The following ERLEC1 variants were observed in gnomAD, a reference collection of about 807,000 sequenced individuals.
ERLEC1 encodes endoplasmic reticulum lectin 1, also known as ER lectin.
A neutral mutation model predicts 68.0 loss-of-function variants in ERLEC1; 47 were observed. The ratio of observed to expected loss-of-function variants is 0.69; its 90% CI spans 0.55 to 0.88. The LOEUF is 0.88. ERLEC1 is among the 40% of genes least tolerant of loss of function. ERLEC1 has a pLI of 0.00. For missense variants in ERLEC1, 567 were observed against 583.8 expected (o/e 0.97, Z 0.30); for synonymous variants, 225 against 203.2 (o/e 1.11, Z -0.91).
intron 10 of ERLEC1, among the ~76,000 whole-genome samples, chr2:53,812,651 T>C (rs986452459): frequency 6.6e-6 from 1 of 152,068 alleles, no homozygotes; most frequent in African/African-American, 2.4e-5. Flanking sequence ...CTGAAAAATA[T>C]CCAGGAAAGA....
intron 11 of ERLEC1, 42 bp from the exon 12 acceptor site, chr2:53,814,501 G>A (rs1434457684): frequency 2.8e-6 from 4 of 1,420,886 alleles, no homozygotes; most frequent in Non-Finnish European, 4.0e-6. Context: ...TTCTATTAGT[G>A]AGATTTTAGT....
At chr2:53,792,833 A>G (rs1321974911) in intron 1 of ERLEC1, among the ~76,000 whole-genome samples, 1 of 152,078 alleles carries the variant, frequency 6.6e-6, no homozygotes, top group Non-Finnish European at 1.5e-5. Flanking sequence ...CCTGGGCAAG[A>G]GGATAAAACC....
intron 1 of ERLEC1, chr2:53,787,622 G>T: frequency 2.5e-6 from 1 of 396,306 alleles, no homozygotes; most frequent in Non-Finnish European, 4.4e-6. Context: ...TGTCGCACTA[G>T]ACCTTGCTTC....
At chr2:53,794,864 A>G (rs777259457) in intron 2 of ERLEC1, among the ~76,000 whole-genome samples, 20 of 152,160 alleles carry the variant, frequency 1.3e-4, no homozygotes, top group Non-Finnish European at 2.6e-4. Context: ...CATGTTGGCC[A>G]GGATGGTCTC....
At chr2:53,797,675 C>T in intron 4 of ERLEC1, 57 bp from the exon 5 acceptor site, 1 of 1,561,610 alleles carries the variant, frequency 6.4e-7, no homozygotes, top group Non-Finnish European at 8.8e-7. Flanking sequence ...AAAGTTGTAT[C>T]CTTAAAAATG....
intron 6 of ERLEC1, among the ~76,000 whole-genome samples, chr2:53,799,895 G>C (rs1250408884): frequency 6.6e-6 from 1 of 152,056 alleles, no homozygotes; most frequent in African/African-American, 2.4e-5. Context: ...GATTAAAATA[G>C]TTATTTACTG....
At chr2:53,791,902 C>CT (rs1270523654) in intron 1 of ERLEC1, among the ~76,000 whole-genome samples, 4 of 118,296 alleles carry the variant, frequency 3.4e-5, no homozygotes, top group Admixed American at 9.4e-5. Flanking sequence ...CTATAATGCT[C>CT]TTTTAAAAAA....
At chr2:53,814,432 T>A in intron 11 of ERLEC1, 111 bp from the exon 12 acceptor site, 1 of 599,996 alleles carries the variant, frequency 1.7e-6, no homozygotes, top group Non-Finnish European at 2.8e-6. Flanking sequence ...TCAGGTTTTT[T>A]TTTAACTAAT....
chr2:53,814,917 C>T lies in ERLEC1; in HGVS notation c.1362C>T (p.Ser454=). 1 of 1,595,110 alleles carries T rather than the reference C, an allele frequency of 6.3e-7. No individual in the cohort carries two copies. Among genetic ancestry groups the T allele is most frequent in the Non-Finnish European group, 8.6e-7 (1 of 1,167,130 alleles). ...AVTVYMLEPH[S]CQYILGVESP... is the part of the protein sequence containing the mutation. ...CTGTATATATGCTAGAGCCTCACTC[C>T]TGTCAATATATTCTTGGGGTAAGTT... The change falls in exon 13 of 14, where the codon TCC becomes TCT. Residue 454 remains serine (S), a synonymous_variant. Transcript: ENST00000185150.
At chr2:53,787,668 A>C in intron 1 of ERLEC1, 1 of 324,606 alleles carries the variant, frequency 3.1e-6, no homozygotes, top group South Asian at 1.2e-4. Flanking sequence ...GCTTTCGTAG[A>C]ATAACGTCAG....
rs920160279 is a variant in ERLEC1, at chr2:53,811,912, GT to G, written c.1102-1029del. Among the ~76,000 whole-genome samples the G allele has an allele frequency of 2.0e-4, 31 of 151,918 alleles. No homozygotes were observed. In the South Asian group the frequency reaches 3.8e-3, roughly 18 times the overall value. Reference sequence around the variant, plus strand: ...GCTTGTTTCCTTTGCCACCATAGGGGTTTTTTTTGTTTTGTTTTGTTTGAGA... The same window carrying G: ...GCTTGTTTCCTTTGCCACCATAGGGGTTTTTTTGTTTTGTTTTGTTTGAGA... On this transcript the variant is annotated intron_variant, in intron 10 of 13. Transcript: ENST00000185150.
rs35950300 is a variant in ERLEC1, at chr2:53,808,349, G to C, written c.930G>C (p.Ser310=). 6.2e-7 allele frequency: 1 copy of C among 1,614,018 alleles called. No homozygotes were observed. The highest frequency in any genetic ancestry group is 8.5e-7 in the Non-Finnish European group (1 of 1,180,026). Residue 310 remains serine (S), a synonymous_variant, in exon 9 of 14, where the codon TCG becomes TCC. Coordinates refer to ENST00000185150, the MANE Select transcript of ERLEC1 (RefSeq NM_015701.5). ...KEERFPAIHK[S]IAIGSQPVLT... is the part of the protein sequence containing the mutation. ...AGAGATTTCCAGCGATCCACAAGTC[G>C]ATTGCTATTGGCTCTCAGCCAGTGC...
intron 1 of ERLEC1, among the ~76,000 whole-genome samples, chr2:53,789,500 A>G (rs1487058366): frequency 6.6e-6 from 1 of 152,022 alleles, no homozygotes; most frequent in Non-Finnish European, 1.5e-5. Context: ...GGCTCAAGCC[A>G]TCCTTCTGCC....
At chr2:53,802,425 C>T (rs1353119823) in intron 8 of ERLEC1, among the ~76,000 whole-genome samples, 1 of 152,168 alleles carries the variant, frequency 6.6e-6, no homozygotes, top group East Asian at 1.9e-4. Flanking sequence ...CTCTAATCAT[C>T]CACTAAAAGG....
rs1676780957 is a variant in ERLEC1, at chr2:53,814,870, T to G, written c.1315T>G (p.Ser439Ala). 1 of 1,607,204 alleles carries G rather than the reference T, an allele frequency of 6.2e-7. No homozygotes were observed. The highest frequency in any genetic ancestry group is 1.1e-5 in the South Asian group (1 of 90,292). The stretch of plus-strand genomic sequence containing the variant: ...TGCTCTCTGTTTTAGGTGCAAAGAA[T>G]CAGATTCACCTCATGCTGTTACTGT... ...QVTVKLKCKESDSPHAVTVYM... is the reference protein window; with the variant it reads ...QVTVKLKCKEADSPHAVTVYM... The change falls in exon 13 of 14, where the codon TCA becomes GCA. Residue 439 changes from serine to alanine, a missense_variant. Transcript: ENST00000185150.
intron 8 of ERLEC1, among the ~76,000 whole-genome samples, chr2:53,806,388 T>C (rs551159639): frequency 8.5e-4 from 130 of 152,340 alleles, no homozygotes; most frequent in Non-Finnish European, 1.5e-3. Context: ...TGCAGCATTA[T>C]TGTTTTTCTT....
At chr2:53,813,453 A>G (rs1203735409) in intron 11 of ERLEC1, among the ~76,000 whole-genome samples, 1 of 152,216 alleles carries the variant, frequency 6.6e-6, no homozygotes, top group African/African-American at 2.4e-5. Flanking sequence ...TGCCACCCAT[A>G]ACAGTGGGGG....
intron 6 of ERLEC1, among the ~76,000 whole-genome samples, chr2:53,799,725 C>G (rs549996318): frequency 2.0e-5 from 3 of 151,944 alleles, no homozygotes; most frequent in African/African-American, 7.2e-5. Context: ...CATACTGATA[C>G]TTTTTTTAGA....
rs1259746648 is a variant in ERLEC1 at position 53,817,985 on chromosome 2, G to A, written c.*16G>A. 2.1e-6 allele frequency: 3 copies of A among 1,444,996 alleles called. No homozygotes were observed. The highest frequency in any genetic ancestry group is 1.7e-5 in the Admixed American group (1 of 59,760). 89.5% of individuals were successfully genotyped at this position (1,444,996 alleles called of 1,614,324 possible). On this transcript the variant is annotated 3_prime_UTR_variant, in exon 14 of 14. Coordinates refer to ENST00000185150, the MANE Select transcript of ERLEC1 (RefSeq NM_015701.5). ...CCCCAACTAAAGGATATTAAAGTTA[G>A]GGGAAAGAAAAGATCATTGAAAGTC... is the stretch of plus-strand genomic sequence containing the variant.
Sources: allele counts gnomAD v4.1 joint callset (sites outside exome capture counted in the v4.1 genomes callset), GRCh38; gene constraint gnomAD v4.1.1; transcripts MANE v1.5; gene names NCBI Gene and HGNC (gene_info 2026-07-23, HGNC 2026-07-21).